VTI1A: variants seen among roughly 807,000 people sequenced by gnomAD.
VTI1A encodes the protein vesicle transport through interaction with t-SNAREs homolog 1A.
VTI1A carries 22 observed loss-of-function variants against 34.9 expected under a neutral mutation model. The observed-to-expected ratio is 0.63, with a 90% CI of 0.45 to 0.90. The LOEUF (loss-of-function observed/expected upper bound fraction) is 0.90. Among genes scored for constraint, VTI1A ranks in the 40% least tolerant of loss-of-function variants. The pLI is 0.00. For synonymous variants in VTI1A, 87 were observed against 97.3 expected (o/e 0.89, Z 0.62); for missense variants, 268 against 275.6 (o/e 0.97, Z 0.20).
intron 7 of VTI1A, among the ~76,000 whole-genome samples, chr10:112,805,442 G>C (rs1853041111): frequency 6.6e-6 from 1 of 152,210 alleles, no homozygotes; most frequent in African/African-American, 2.4e-5. Flanking sequence ...GAACAAAGTT[G>C]AGTAGTTGTG....
chr10:112,686,336 T>C (rs1848411759), intron 7 of VTI1A, among the ~76,000 whole-genome samples: 1 of 152,170 alleles, frequency 6.6e-6, no homozygotes, highest in Non-Finnish European at 1.5e-5. Flanking sequence ...CATCTTCTAT[T>C]TTCTTCATTC....
At chr10:112,754,337 A>G (rs1020175129) in intron 7 of VTI1A, among the ~76,000 whole-genome samples, 1 of 152,160 alleles carries the variant, frequency 6.6e-6, no homozygotes, top group Admixed American at 6.5e-5. Context: ...GACTCCCTCT[A>G]CCATGACTGA....
At position 112,707,568 on chromosome 10, in the gene VTI1A, G is replaced by A. The variant is rs754729781; in HGVS notation, c.560+38570G>A. Among the ~76,000 whole-genome samples the A allele has an allele frequency of 4.0e-5, 6 of 151,548 alleles. 1 individual carries two copies. Among genetic ancestry groups the A allele is most frequent in the South Asian group, 2.1e-4 (1 of 4,818 alleles). On this transcript the variant is annotated intron_variant, in intron 7 of 7. Transcript: ENST00000393077. ...AGGCTGGTCTCGAACTCCTGACCTGGTGGTCTGCCCGCCTCTGCCTCCCAA... is the reference window on the plus strand; with the variant it reads ...AGGCTGGTCTCGAACTCCTGACCTGATGGTCTGCCCGCCTCTGCCTCCCAA...
chr10:112,685,333 C>G (rs75843998), intron 7 of VTI1A, among the ~76,000 whole-genome samples: 4 of 152,004 alleles, frequency 2.6e-5, no homozygotes, highest in Non-Finnish European at 4.4e-5. Flanking sequence ...TAATTTTTTT[C>G]TCTTCTTTTT....
At chr10:112,534,073 A>G (rs927186787) in intron 4 of VTI1A, among the ~76,000 whole-genome samples, 4 of 152,286 alleles carry the variant, frequency 2.6e-5, no homozygotes, top group African/African-American at 9.6e-5. Flanking sequence ...CTCTGTGTAC[A>G]TAGATACCTA....
chr10:112,551,296 A>T (rs1051460981), intron 5 of VTI1A, among the ~76,000 whole-genome samples: 36 of 144,556 alleles, frequency 2.5e-4, no homozygotes, highest in African/African-American at 5.6e-4. Flanking sequence ...ATTTTTTTTT[A>T]AATTTCCATT....
intron 7 of VTI1A, among the ~76,000 whole-genome samples, chr10:112,796,098 G>GA (rs1039164501): frequency 3.3e-5 from 5 of 152,086 alleles, no homozygotes; most frequent in African/African-American, 1.2e-4. Flanking sequence ...CAATATGGGG[G>GA]ATCTAAAAGC....
chr10:112,752,317 C>A, intron 7 of VTI1A: 1 of 967,382 alleles, frequency 1.0e-6, no homozygotes, highest in Non-Finnish European at 1.2e-6. Context: ...CATACTGATT[C>A]CATTTTGTCC....
rs9665599 is a variant in VTI1A, at chr10:112,488,057, A to C, written c.264+23400A>C. ...TTGGGTCACATTTCATCATGTTATA[A>C]ATAAATTAAAAGAGTACTGTGGTAG... On this transcript the variant is annotated intron_variant, in intron 3 of 7. Transcript: ENST00000393077. Among the ~76,000 whole-genome samples the C allele has an allele frequency of 2.2e-3, 334 of 152,314 alleles. 3 individuals carry two copies. Among genetic ancestry groups the C allele is most frequent in the African/African-American group, 7.7e-3 (322 of 41,578 alleles).
chr10:112,694,362 T>TTGGATGGA (rs113264700), intron 7 of VTI1A, among the ~76,000 whole-genome samples: 9 of 151,432 alleles, frequency 5.9e-5, no homozygotes, highest in Middle Eastern at 3.5e-3. Flanking sequence ...CAGGAAGTAT[T>TTGGATGGA]TGGATGGATG....
intron 7 of VTI1A, among the ~76,000 whole-genome samples, chr10:112,697,403 T>C (rs1353073856): frequency 2.7e-5 from 4 of 146,562 alleles, no homozygotes; most frequent in Admixed American, 2.0e-4. Context: ...TCTTTTCTTT[T>C]TTTTTTTTTT....
rs1850425120 is a variant in VTI1A at position 112,531,125 on chromosome 10, G to GCA, written c.342+3962_342+3963dup. Reference sequence around the variant, plus strand: ...CACACGTGCGCACGTGCGCGCGCGCGCATGAACCCTCACATGCTCTGCAGT... The same window carrying GCA: ...CACACGTGCGCACGTGCGCGCGCGCGCACATGAACCCTCACATGCTCTGCAGT... On this transcript the variant is annotated intron_variant, in intron 4 of 7. Coordinates refer to ENST00000393077, the MANE Select transcript of VTI1A (RefSeq NM_145206.4). 1.9e-4 allele frequency among the ~76,000 whole-genome samples: 29 copies of GCA among 151,076 alleles called. No individual in the cohort carries two copies. In the South Asian group the frequency reaches 6.1e-3, roughly 32 times the overall value.
intron 7 of VTI1A, among the ~76,000 whole-genome samples, chr10:112,796,533 G>A (rs779961018): frequency 2.0e-5 from 3 of 152,110 alleles, no homozygotes; most frequent in Non-Finnish European, 4.4e-5. Flanking sequence ...AGCAATTCAA[G>A]TAAAATGCAG....
intron 3 of VTI1A, among the ~76,000 whole-genome samples, chr10:112,486,701 C>CATACAGT (rs1848648006): frequency 1.6e-5 from 1 of 63,210 alleles, no homozygotes; most frequent in Admixed American, 1.3e-4. Flanking sequence ...GAATATACAA[C>CATACAGT]TGTATATTCT....
chr10:112,853,895 A>G, the VTI1A span, among the ~76,000 whole-genome samples: 1 of 152,142 alleles, frequency 6.6e-6, no homozygotes, highest in African/African-American at 2.4e-5. Context: ...TTAGAAGCAT[A>G]CGTAGGAAGA....
At chr10:112,689,558 G>A (rs1848541914) in intron 7 of VTI1A, among the ~76,000 whole-genome samples, 1 of 152,184 alleles carries the variant, frequency 6.6e-6, no homozygotes, top group African/African-American at 2.4e-5. Flanking sequence ...AGAATTGGAA[G>A]AGGGGGATAA....
At chr10:112,606,013 CT>C (rs1233665607) in intron 5 of VTI1A, among the ~76,000 whole-genome samples, 26 of 77,716 alleles carry the variant, frequency 3.3e-4, no homozygotes, top group Non-Finnish European at 5.9e-4. Context: ...TGCTAGTTTT[CT>C]TTTTTTCTTT....
At chr10:112,447,950 C>T (rs1183798939) in intron 1 of VTI1A, among the ~76,000 whole-genome samples, 1 of 152,088 alleles carries the variant, frequency 6.6e-6, no homozygotes, top group East Asian at 1.9e-4. Context: ...GAAGTTGTGC[C>T]TCTTAACCCG....
chr10:112,783,734 C>A (rs7898648), intron 7 of VTI1A, among the ~76,000 whole-genome samples: 66,054 of 152,036 alleles, frequency 0.43, 14,916 homozygotes, highest in East Asian at 0.69. Flanking sequence ...AATGCATGGC[C>A]TTGGCATAAT....
Sources: allele counts gnomAD v4.1 joint callset (sites outside exome capture counted in the v4.1 genomes callset), GRCh38; gene constraint gnomAD v4.1.1; transcripts MANE v1.5; gene names NCBI Gene and HGNC (gene_info 2026-07-23, HGNC 2026-07-21).